The following ITFG1 variants were observed in gnomAD, a reference collection of about 807,000 sequenced individuals.
The protein encoded by ITFG1 is T-cell immunomodulatory protein.
ITFG1 carries 34 observed loss-of-function variants against 81.8 expected under a neutral mutation model. The observed-to-expected ratio is 0.42, with a 90% confidence interval of 0.32 to 0.55. The LOEUF (loss-of-function observed/expected upper bound fraction) is 0.55, where lower values mean the gene tolerates loss of function less well. Among genes scored for constraint, ITFG1 ranks in the 20% least tolerant of loss-of-function variants. The pLI is 0.17. For missense variants in ITFG1, 672 were observed against 755.4 expected (o/e 0.89, Z 1.29); for synonymous variants, 285 against 270.6 (o/e 1.05, Z -0.52).
intron 6 of ITFG1, among the ~76,000 whole-genome samples, chr16:47,425,545 C>A (rs754157136): frequency 6.6e-6 from 1 of 151,746 alleles, no homozygotes; most frequent in Non-Finnish European, 1.5e-5. Context: ...CTGGGAGCTG[C>A]AGACCAGAGG....
chr16:47,165,294 A>G (rs1337231591), intron 14 of ITFG1, among the ~76,000 whole-genome samples: 1 of 152,218 alleles, frequency 6.6e-6, no homozygotes, highest in Non-Finnish European at 1.5e-5. Context: ...CAATCACTGG[A>G]AAGTATATTT....
intron 14 of ITFG1, among the ~76,000 whole-genome samples, chr16:47,199,138 A>G (rs1264485789): frequency 6.6e-6 from 1 of 151,950 alleles, no homozygotes; most frequent in African/African-American, 2.4e-5. Context: ...CCCGGGCATC[A>G]TGGCCCATAA....
chr16:47,187,976 A>C (rs1196172816), intron 14 of ITFG1, among the ~76,000 whole-genome samples: 1 of 152,182 alleles, frequency 6.6e-6, no homozygotes, highest in Non-Finnish European at 1.5e-5. Flanking sequence ...ACTTCTCAAA[A>C]GAAGACATTT....
At chr16:47,372,374 A>G (rs2151589497) in intron 7 of ITFG1, among the ~76,000 whole-genome samples, 1 of 151,984 alleles carries the variant, frequency 6.6e-6, no homozygotes, top group Middle Eastern at 3.4e-3. Context: ...CCTCCTGAGT[A>G]GTTGGGAGAC....
chr16:47,189,363 C>T (rs993750839), intron 14 of ITFG1, among the ~76,000 whole-genome samples: 2 of 152,168 alleles, frequency 1.3e-5, no homozygotes, highest in Admixed American at 6.5e-5. Flanking sequence ...CACTTAGTTC[C>T]CATTTCTTCC....
intron 10 of ITFG1, among the ~76,000 whole-genome samples, chr16:47,271,158 A>G (rs1308418578): frequency 6.6e-6 from 1 of 152,192 alleles, no homozygotes; most frequent in Non-Finnish European, 1.5e-5. Flanking sequence ...TGCTTCAAAT[A>G]CTATCAAGAA....
intron 6 of ITFG1, among the ~76,000 whole-genome samples, chr16:47,388,487 C>G (rs1429365086): frequency 6.6e-6 from 1 of 151,998 alleles, no homozygotes; most frequent in Non-Finnish European, 1.5e-5. Flanking sequence ...AAGAGAATCC[C>G]AATAAGTTTA....
intron 6 of ITFG1, among the ~76,000 whole-genome samples, chr16:47,403,136 A>G (rs1968683237): frequency 6.6e-6 from 1 of 152,122 alleles, no homozygotes; most frequent in Non-Finnish European, 1.5e-5. Flanking sequence ...TGCAGTATTT[A>G]TAGAATTTGC....
intron 10 of ITFG1, among the ~76,000 whole-genome samples, chr16:47,296,200 AC>A (rs1393803094): frequency 6.6e-6 from 1 of 150,864 alleles, no homozygotes; most frequent in African/African-American, 2.4e-5. Flanking sequence ...CTGCCCAAAG[AC>A]GCTGAGACTA....
intron 8 of ITFG1, chr16:47,317,532 C>T (rs1237915660): frequency 1.3e-5 from 2 of 152,188 alleles, no homozygotes; most frequent in Non-Finnish European, 2.9e-5. Context: ...TTGTTAACCA[C>T]AATTTCTCTA....
At chr16:47,340,708 A>C (rs1421002123) in intron 8 of ITFG1, among the ~76,000 whole-genome samples, 1 of 152,194 alleles carries the variant, frequency 6.6e-6, no homozygotes, top group African/African-American at 2.4e-5. Context: ...ATAAACACTC[A>C]AATCAAAAAG....
At chr16:47,331,013 A>T (rs1294374502) in intron 8 of ITFG1, among the ~76,000 whole-genome samples, 3 of 152,220 alleles carry the variant, frequency 2.0e-5, no homozygotes, top group African/African-American at 7.2e-5. Context: ...CCAAAAAGAC[A>T]TCTGCACTTG....
intron 8 of ITFG1, 38 bp downstream of exon 8, chr16:47,365,750 G>T (rs771072338): frequency 1.7e-6 from 2 of 1,181,304 alleles, no homozygotes; most frequent in East Asian, 2.3e-5. Flanking sequence ...GAATTGGAAA[G>T]GCAAAAGCCT....
intron 8 of ITFG1, among the ~76,000 whole-genome samples, chr16:47,364,687 C>A (rs1968152557): frequency 6.6e-6 from 1 of 152,160 alleles, no homozygotes; most frequent in Non-Finnish European, 1.5e-5. Flanking sequence ...AACTAAAATA[C>A]AGGACAACAT....
chr16:47,265,460 G>C (rs1966265799), intron 10 of ITFG1, among the ~76,000 whole-genome samples: 1 of 151,992 alleles, frequency 6.6e-6, no homozygotes, highest in African/African-American at 2.4e-5. Flanking sequence ...ACATAGTATG[G>C]TGTTAATAAG....
chr16:47,198,103 A>G (rs558408898), intron 14 of ITFG1, among the ~76,000 whole-genome samples: 8 of 152,252 alleles, frequency 5.3e-5, no homozygotes, highest in Non-Finnish European at 1.2e-4. Context: ...CAAATCTTAT[A>G]AAGAAAACAG....
upstream of ITFG1, chr16:47,461,213 C>T (rs1199784251): frequency 5.2e-6 from 5 of 968,262 alleles, no homozygotes; most frequent in African/African-American, 8.3e-5. Flanking sequence ...GCTAAAAAAG[C>T]AGTGGAGCTA....
At chr16:47,232,146 G>A (rs1247281126) in intron 13 of ITFG1, among the ~76,000 whole-genome samples, 2 of 152,208 alleles carry the variant, frequency 1.3e-5, no homozygotes, top group Admixed American at 6.5e-5. Context: ...TTAGTTCAGT[G>A]AAACACAGTT....
At chr16:47,424,353 G>A (rs1262003723) in intron 6 of ITFG1, among the ~76,000 whole-genome samples, 2 of 152,056 alleles carry the variant, frequency 1.3e-5, no homozygotes, top group Non-Finnish European at 2.9e-5. Flanking sequence ...AAGGTTTTTA[G>A]CTTCCTTGCG....
Sources: allele counts gnomAD v4.1 joint callset (sites outside exome capture counted in the v4.1 genomes callset), GRCh38; gene constraint gnomAD v4.1.1; transcripts MANE v1.5; gene names NCBI Gene and HGNC (gene_info 2026-07-23, HGNC 2026-07-21).